Variants in NKAIN2 observed in about 807,000 individuals in gnomAD.
NKAIN2 encodes sodium/potassium transporting ATPase interacting 2.
NKAIN2 carries 14 observed loss-of-function variants against 32.6 expected under a neutral mutation model. The ratio of observed to expected loss-of-function variants is 0.43; its 90% CI spans 0.28 to 0.67. The LOEUF (loss-of-function observed/expected upper bound fraction) is 0.67. Ranked by LOEUF, NKAIN2 falls within the 30% of genes least tolerant of loss-of-function variation. NKAIN2 has a pLI of 0.17. For missense variants in NKAIN2, 198 were observed against 258.3 expected, an observed-to-expected ratio of 0.77 and a Z score of 1.60; for synonymous variants, 80 against 87.2, an observed-to-expected ratio of 0.92 and a Z score of 0.46.
chr6:124,360,739 CT>C (rs1288188763), intron 3 of NKAIN2, among the ~76,000 whole-genome samples: 1 of 152,078 alleles, frequency 6.6e-6, no homozygotes, highest in African/African-American at 2.4e-5. Context: ...ATAATTATTT[CT>C]GCTAATGCTA....
At chr6:124,638,887 C>CA (rs35802663) in intron 3 of NKAIN2, among the ~76,000 whole-genome samples, 1,916 of 82,472 alleles carry the variant, frequency 0.023, 172 homozygotes, top group South Asian at 0.042. Context: ...GAGACTCTGT[C>CA]AAAAAAAAAA....
At chr6:124,814,930 G>A (rs918203796) in intron 5 of NKAIN2, among the ~76,000 whole-genome samples, 2 of 151,794 alleles carry the variant, frequency 1.3e-5, no homozygotes, top group African/African-American at 4.8e-5. Context: ...AATAACAACA[G>A]CAGCAGCAGC....
intron 1 of NKAIN2, among the ~76,000 whole-genome samples, chr6:124,260,559 T>C (rs193122161): frequency 7.4e-4 from 112 of 152,092 alleles, no homozygotes; most frequent in African/African-American, 2.5e-3. Flanking sequence ...CAAGGAGACC[T>C]AGTGGAGGGA....
At chr6:123,855,822 C>T (rs1051528834) in intron 1 of NKAIN2, among the ~76,000 whole-genome samples, 1 of 152,188 alleles carries the variant, frequency 6.6e-6, no homozygotes, top group Non-Finnish European at 1.5e-5. Flanking sequence ...ATTAATTGCA[C>T]TGCTGAGACG....
At chr6:123,818,163 T>A (rs1428712178) in intron 1 of NKAIN2, among the ~76,000 whole-genome samples, 1 of 152,188 alleles carries the variant, frequency 6.6e-6, no homozygotes, top group African/African-American at 2.4e-5. Context: ...AAGATAGGAA[T>A]GCATATTAAT....
chr6:124,210,388 T>C (rs1323317841), intron 1 of NKAIN2, among the ~76,000 whole-genome samples: 1 of 152,010 alleles, frequency 6.6e-6, no homozygotes, highest in Non-Finnish European at 1.5e-5. Flanking sequence ...TCTAGTTTTG[T>C]TCTTTTTGCT....
At chr6:124,722,768 G>A (rs1013796542) in intron 4 of NKAIN2, among the ~76,000 whole-genome samples, 10 of 152,168 alleles carry the variant, frequency 6.6e-5, no homozygotes, top group Non-Finnish European at 1.0e-4. Flanking sequence ...GTTTTCCATA[G>A]CTACCACCCC....
intron 1 of NKAIN2, among the ~76,000 whole-genome samples, chr6:124,162,912 G>A (rs964914417): frequency 6.6e-6 from 1 of 151,998 alleles, no homozygotes; most frequent in African/African-American, 2.4e-5. Flanking sequence ...TTTTAAACAG[G>A]AATGTTCTTA....
chr6:124,167,002 C>A (rs1367165861), intron 1 of NKAIN2, among the ~76,000 whole-genome samples: 1,947 of 151,036 alleles, frequency 0.013, 31 homozygotes, highest in African/African-American at 0.045. Context: ...GGGATGCGGG[C>A]TCTTTTTTGG....
At chr6:123,916,771 A>C (rs1775516908) in intron 1 of NKAIN2, among the ~76,000 whole-genome samples, 1 of 149,118 alleles carries the variant, frequency 6.7e-6, no homozygotes, top group Admixed American at 6.8e-5. Context: ...TATCTATCTT[A>C]TCTATGTATC....
At chr6:124,585,552 T>A (rs949202109) in intron 3 of NKAIN2, among the ~76,000 whole-genome samples, 2 of 152,224 alleles carry the variant, frequency 1.3e-5, no homozygotes, top group African/African-American at 4.8e-5. Flanking sequence ...TCATGTACTC[T>A]GTAAATATAT....
At chr6:124,339,195 G>T (rs139221977) in intron 2 of NKAIN2, among the ~76,000 whole-genome samples, 1,673 of 152,216 alleles carry the variant, frequency 0.011, 29 homozygotes, top group African/African-American at 0.038. Flanking sequence ...ACAAAAAGTA[G>T]CCGGGCGTGG....
chr6:124,664,003 G>T (rs1772635736), intron 4 of NKAIN2, among the ~76,000 whole-genome samples: 1 of 152,086 alleles, frequency 6.6e-6, no homozygotes, highest in Admixed American at 6.6e-5. Flanking sequence ...GCTAATGCTT[G>T]GTGGCTCATG....
At chr6:124,583,469 A>ATC (rs1781597118) in intron 3 of NKAIN2, among the ~76,000 whole-genome samples, 2 of 152,198 alleles carry the variant, frequency 1.3e-5, no homozygotes, top group Non-Finnish European at 2.9e-5. Flanking sequence ...AATAAATTGA[A>ATC]AAGAATACAA....
intron 4 of NKAIN2, among the ~76,000 whole-genome samples, chr6:124,682,339 T>C (rs1470810774): frequency 1.3e-5 from 2 of 152,080 alleles, no homozygotes; most frequent in East Asian, 3.9e-4. Context: ...AAAAAGCTTA[T>C]CTGAAAAAGA....
At chr6:124,724,992 T>C (rs1776201593) in intron 4 of NKAIN2, among the ~76,000 whole-genome samples, 1 of 152,208 alleles carries the variant, frequency 6.6e-6, no homozygotes, top group African/African-American at 2.4e-5. Context: ...TACAATGATT[T>C]CATGTGTATC....
At chr6:123,809,539 TCTC>T (rs1344037080) in intron 1 of NKAIN2, among the ~76,000 whole-genome samples, 1 of 152,184 alleles carries the variant, frequency 6.6e-6, no homozygotes, top group African/African-American at 2.4e-5. Flanking sequence ...AACTTGGTTT[TCTC>T]CTCTTTTAGT....
intron 4 of NKAIN2, among the ~76,000 whole-genome samples, chr6:124,711,926 T>G (rs1403187029): frequency 6.6e-6 from 1 of 152,140 alleles, no homozygotes; most frequent in African/African-American, 2.4e-5. Context: ...TTTTCTGTTC[T>G]GTTTTTTCCC....
In NKAIN2 at chr6:124,169,353, T is replaced by C. The variant is rs567126890; in HGVS notation, c.55-113652T>C. On this transcript the variant is annotated intron_variant, in intron 1 of 6. Transcript: ENST00000368417. ...GCTAATTCTGCTCTTTTCACAAGTT[T>C]ATCTTTTTGCAATCAAAGTAGATAA... Among the ~76,000 whole-genome samples the C allele has an allele frequency of 3.3e-5, 5 of 152,330 alleles. No homozygotes were observed. The East Asian group carries it at 7.7e-4, about 23-fold the overall frequency.
Sources: allele counts gnomAD v4.1 joint callset (sites outside exome capture counted in the v4.1 genomes callset), GRCh38; gene constraint gnomAD v4.1.1; transcripts MANE v1.5; gene names NCBI Gene and HGNC (gene_info 2026-07-23, HGNC 2026-07-21).